The following SLCO5A1 variants were observed in gnomAD, a reference collection of about 807,000 sequenced individuals.
SLCO5A1 encodes the protein organic anion transporter polypeptide-related protein 4.
Under a neutral mutation model 65.1 loss-of-function variants are expected in SLCO5A1, and 39 were observed. The ratio of observed to expected loss-of-function variants is 0.60; its 90% CI spans 0.46 to 0.78. SLCO5A1 has a LOEUF of 0.78. SLCO5A1 is among the 30% of genes least tolerant of loss of function. The pLI, the probability that SLCO5A1 is intolerant of heterozygous loss-of-function variation, is 0.00. For missense variants in SLCO5A1, 1,029 were observed against 1,069.4 expected, an observed-to-expected ratio of 0.96 and a Z score of 0.53; for synonymous variants, 438 against 415.7, an observed-to-expected ratio of 1.05 and a Z score of -0.65.
intron 5 of SLCO5A1, among the ~76,000 whole-genome samples, chr8:69,708,538 T>C (rs1291953184): frequency 1.4e-5 from 2 of 146,024 alleles, no homozygotes; most frequent in African/African-American, 5.1e-5. Context: ...CCAGACTGGG[T>C]AACAAGAGCA....
At chr8:69,707,451 G>C (rs1220000941) in intron 5 of SLCO5A1, among the ~76,000 whole-genome samples, 1 of 152,158 alleles carries the variant, frequency 6.6e-6, no homozygotes, top group East Asian at 1.9e-4. Context: ...CGAAATTGAG[G>C]ATTCAATGCA....
chr8:69,755,354 C>T (rs1218754317), intron 4 of SLCO5A1, 70 bp downstream of exon 4: 1 of 1,315,860 alleles, frequency 7.6e-7, no homozygotes, highest in South Asian at 1.3e-5. Context: ...ACAGCATGGG[C>T]CTGGGACCAC....
At chr8:69,788,844 AT>A (rs1266224587) in intron 2 of SLCO5A1, among the ~76,000 whole-genome samples, 1 of 152,176 alleles carries the variant, frequency 6.6e-6, no homozygotes, top group Non-Finnish European at 1.5e-5. Flanking sequence ...ATAATCTAAA[AT>A]TATCTTCTCA....
At chr8:69,823,589 A>G (rs971282408) in intron 2 of SLCO5A1, among the ~76,000 whole-genome samples, 21 of 152,202 alleles carry the variant, frequency 1.4e-4, no homozygotes, top group African/African-American at 5.1e-4. Flanking sequence ...TCCTAAATAT[A>G]TATGCACCCA....
intron 4 of SLCO5A1, among the ~76,000 whole-genome samples, chr8:69,745,477 T>C (rs895459972): frequency 6.6e-6 from 1 of 152,174 alleles, no homozygotes; most frequent in Admixed American, 6.5e-5. Flanking sequence ...TTATACAAAA[T>C]AGATAAGTTA....
At chr8:69,742,359 C>G (rs1563694826) in intron 4 of SLCO5A1, among the ~76,000 whole-genome samples, 1 of 151,708 alleles carries the variant, frequency 6.6e-6, no homozygotes, top group African/African-American at 2.4e-5. Flanking sequence ...ATTGTAAAAC[C>G]AAAGATGCAG....
rs143430604 is a variant in SLCO5A1 at position 69,803,919 on chromosome 8, G to A, written c.907+27848C>T. On this transcript the variant is annotated intron_variant, in intron 2 of 9. Transcript: ENST00000260126. Reference sequence around the variant, plus strand: ...ATCATGCCACAGCACTGCAGCCTGGGTGACAGAGCAAGACTCTGTCTCTAA... The same window carrying A: ...ATCATGCCACAGCACTGCAGCCTGGATGACAGAGCAAGACTCTGTCTCTAA... 5.3e-5 allele frequency among the ~76,000 whole-genome samples: 8 copies of A among 152,268 alleles called. No individual in the cohort carries two copies. The East Asian group carries it at 5.8e-4, about 11-fold the overall frequency.
intron 4 of SLCO5A1, among the ~76,000 whole-genome samples, chr8:69,748,061 A>G (rs1276881143): frequency 6.6e-6 from 1 of 152,144 alleles, no homozygotes; most frequent in Non-Finnish European, 1.5e-5. Context: ...GGCCCCATGA[A>G]GGTACTCTAA....
In SLCO5A1 at chr8:69,832,802, G is replaced by A; in HGVS notation, c.-129C>T. ...CCTGGGACTGGGGCTGGGGGCGCAG[G>A]GCCGCGCAGCAGGGCATCCTCACCA... On this transcript the variant is annotated 5_prime_UTR_variant, in exon 2 of 10. Transcript: ENST00000260126. This position sits in a 1 kb window ranked among gnomAD's most constrained non-coding sequence, Gnocchi z 4.5. 9.0e-7 allele frequency: 1 copy of A among 1,112,882 alleles called. No individual in the cohort carries two copies. Among genetic ancestry groups the A allele is most frequent in the Non-Finnish European group, 1.2e-6 (1 of 802,688 alleles). 68.9% of individuals were successfully genotyped at this position (1,112,882 alleles called of 1,614,324 possible).
Position 69,672,662 on chromosome 8 carries a change from T to G in SLCO5A1, c.*207A>C, listed in dbSNP as rs924256956. ...GGAACAAATCTAGCTGAACGTCTCCTTCTTGGAGAGAAGCGGGGAAAGGCT... is the reference window on the plus strand; with the variant it reads ...GGAACAAATCTAGCTGAACGTCTCCGTCTTGGAGAGAAGCGGGGAAAGGCT... On this transcript the variant is annotated 3_prime_UTR_variant, in exon 10 of 10. Coordinates refer to ENST00000260126, the MANE Select transcript of SLCO5A1 (RefSeq NM_030958.3). 6 of 593,438 alleles carry G rather than the reference T, an allele frequency of 1.0e-5. No individual in the cohort carries two copies. The highest frequency in any genetic ancestry group is 1.8e-5 in the Non-Finnish European group (6 of 341,602). 36.8% of individuals were successfully genotyped at this position (593,438 alleles called of 1,614,324 possible).
chr8:69,786,657 C>T (rs1819051345), intron 2 of SLCO5A1, among the ~76,000 whole-genome samples: 1 of 152,294 alleles, frequency 6.6e-6, no homozygotes, highest in Non-Finnish European at 1.5e-5. Context: ...GGCACACACA[C>T]ACACAACAAC....
At chr8:69,769,750 A>G (rs1185644483) in intron 2 of SLCO5A1, among the ~76,000 whole-genome samples, 2 of 152,206 alleles carry the variant, frequency 1.3e-5, no homozygotes, top group Non-Finnish European at 2.9e-5. Flanking sequence ...GTTGGGAAAG[A>G]GAACATCTGG....
At chr8:69,745,061 T>C (rs1156308308) in intron 4 of SLCO5A1, among the ~76,000 whole-genome samples, 1 of 152,218 alleles carries the variant, frequency 6.6e-6, no homozygotes, top group Non-Finnish European at 1.5e-5. Context: ...ATTTTTCAGA[T>C]TTCTGAGTGA....
intron 5 of SLCO5A1, among the ~76,000 whole-genome samples, chr8:69,714,599 G>A (rs763533244): frequency 1.5e-4 from 23 of 152,282 alleles, no homozygotes; most frequent in Non-Finnish European, 2.1e-4. Flanking sequence ...CAGGTTCCCC[G>A]TGACAATCAT....
At chr8:69,688,725 T>A (rs1814108975) in intron 6 of SLCO5A1, among the ~76,000 whole-genome samples, 1 of 152,212 alleles carries the variant, frequency 6.6e-6, no homozygotes, top group African/African-American at 2.4e-5. Flanking sequence ...ATTTTCTTAA[T>A]CCAGTCTATC....
Sources: gnomAD v4.1 joint callset for allele counts (sites outside exome capture counted in the v4.1 genomes callset) on GRCh38, gnomAD v4.1.1 for gene constraint, Gnocchi (gnomAD v3.1) non-coding constraint, MANE v1.5 for transcripts, NCBI Gene and HGNC (gene_info 2026-07-23, HGNC 2026-07-21) for gene names.